UBXN4: variants seen among roughly 807,000 people sequenced by gnomAD.
UBXN4 encodes UBX domain protein 4, also known as UBX domain-containing protein 4.
UBXN4 carries 35 observed loss-of-function variants against 66.2 expected under a neutral mutation model. The observed-to-expected ratio is 0.53, with a 90% CI of 0.40 to 0.70. The LOEUF is 0.70. UBXN4 is among the 30% of genes least tolerant of loss of function. The probability of loss-of-function intolerance (pLI) is 0.00; values close to 1 mark genes in which losing one functional copy is unlikely to be tolerated. For synonymous variants in UBXN4, 203 were observed against 204.5 expected (o/e 0.99, Z 0.06); for missense variants, 533 against 599.8 (o/e 0.89, Z 1.16).
rs763240559 is a variant in UBXN4 at position 135,754,255 on chromosome 2, C to G, written c.311C>G (p.Thr104Arg). The G allele has an allele frequency of 3.7e-6, 6 of 1,613,220 alleles. No homozygotes were observed. Among genetic ancestry groups the G allele is most frequent in the Admixed American group, 3.3e-5 (2 of 59,988 alleles). ...AGTGTTTCTGCAGATGAACTTGTTA[C>G]AAGAATTCACAAGGTCCGACAGGTA... ...AGSVSADELVTRIHKVRQMHL... is the reference protein window; with the variant it reads ...AGSVSADELVRRIHKVRQMHL... Residue 104 changes from threonine (T) to arginine (R), a missense_variant, in exon 4 of 13, where the codon ACA (threonine) becomes AGA (arginine). Thr to Arg is a moderately conservative substitution (Grantham distance 71, BLOSUM62 -1). Transcript: ENST00000272638.
At chr2:135,747,989 T>G in intron 1 of UBXN4, 3 of 336,080 alleles carry the variant, frequency 8.9e-6, no homozygotes, top group Non-Finnish European at 1.7e-5. Context: ...TGACTGCTTA[T>G]TATTGTGGTA....
chr2:135,783,806 A>G lies in UBXN4; in HGVS notation c.*919A>G, dbSNP rs975907882. On this transcript the variant is annotated 3_prime_UTR_variant, in exon 13 of 13. Transcript: ENST00000272638. ...AAGTATAGAATAAAAATATGCCTTTAGTCATTTGGTTTTTCTTAAAAAGTT... is the reference window on the plus strand; with the variant it reads ...AAGTATAGAATAAAAATATGCCTTTGGTCATTTGGTTTTTCTTAAAAAGTT... 3.3e-5 allele frequency: 5 copies of G among 152,252 alleles called. No individual in the cohort carries two copies. Among genetic ancestry groups the G allele is most frequent in the Admixed American group, 2.6e-4 (4 of 15,284 alleles). The allele number at this position is 152,252 out of a possible 1,614,324, so 9.4% of individuals were successfully genotyped here.
intron 8 of UBXN4, among the ~76,000 whole-genome samples, chr2:135,771,596 C>T (rs1023699521): frequency 6.6e-6 from 1 of 152,110 alleles, no homozygotes; most frequent in African/African-American, 2.4e-5. Context: ...GAGTTTTAGT[C>T]TTGTTGCTCA....
rs544470726 is a variant in UBXN4 at position 135,765,659 on chromosome 2, T to C, written c.602+3748T>C. ...CTTTTAATTTTTTTCTTTTTTTTTT[T>C]CTTCTGATTCATTTGAAAGTTGCAG... On this transcript the variant is annotated intron_variant, in intron 6 of 12. Coordinates refer to ENST00000272638, the MANE Select transcript of UBXN4 (RefSeq NM_014607.4). Among the ~76,000 whole-genome samples the C allele has an allele frequency of 2.7e-3, 411 of 151,776 alleles. 1 individual carries two copies. The highest frequency in any genetic ancestry group is 9.0e-3 in the African/African-American group (369 of 41,102).
At chr2:135,759,659 T>C (rs972056907) in intron 5 of UBXN4, among the ~76,000 whole-genome samples, 3 of 152,198 alleles carry the variant, frequency 2.0e-5, no homozygotes, top group Non-Finnish European at 4.4e-5. Flanking sequence ...ATGCCTGTTA[T>C]TCCAGTTGGC....
rs1489177895 is a variant in UBXN4, at chr2:135,783,627, C to A, written c.*740C>A. On this transcript the variant is annotated 3_prime_UTR_variant, in exon 13 of 13. Transcript: ENST00000272638. ...CTTGTCTCCTAAGTCAGTGAGGCAT[C>A]ACTTTGTTTGCATAAAGTATACGGT... The A allele has an allele frequency of 6.6e-6, 1 of 152,152 alleles. No homozygotes were observed. Among genetic ancestry groups the A allele is most frequent in the East Asian group, 1.9e-4 (1 of 5,200 alleles). 9.4% of individuals were successfully genotyped at this position (152,152 alleles called of 1,614,324 possible). A position where few individuals can be genotyped will look rare whatever the true frequency, so the allele number is the denominator to read the frequency against.
At chr2:135,780,058 A>T in intron 11 of UBXN4, 125 bp from the exon 12 acceptor site, 1 of 779,010 alleles carries the variant, frequency 1.3e-6, no homozygotes, top group Non-Finnish European at 2.1e-6. Flanking sequence ...ATATCATTTT[A>T]CCCTCTTGAA....
chr2:135,778,964 AC>A lies in UBXN4; in HGVS notation c.1071del (p.Tyr357Ter). The A allele has an allele frequency of 6.2e-7, 1 of 1,612,680 alleles. No individual in the cohort carries two copies. The highest frequency in any genetic ancestry group is 8.5e-7 in the Non-Finnish European group (1 of 1,179,520). ...QFAAQTVGNTYGNFSLATMFP... is the reference protein window; with the variant it reads ...QFAAQTVGNTXGNFSLATMFP... ...ATTTTACAGACTGTTGGCAACACTT[AC>A]GGTAATTTTTCGTTAGCAACCATGT... is the stretch of plus-strand genomic sequence containing the variant. On this transcript the variant is annotated frameshift_variant, in exon 11 of 13. Transcript: ENST00000272638. LOFTEE classifies it high-confidence loss of function.
At chr2:135,776,140 A>G (rs1575323689) in intron 9 of UBXN4, 109 bp from the exon 10 acceptor site, 2 of 859,998 alleles carry the variant, frequency 2.3e-6, no homozygotes, top group East Asian at 2.7e-5. Flanking sequence ...GATATGGTAG[A>G]AAAAACTATT....
intron 6 of UBXN4, 35 bp from the exon 7 acceptor site, chr2:135,769,734 C>G: frequency 7.0e-7 from 1 of 1,435,932 alleles, no homozygotes; most frequent in Non-Finnish European, 9.4e-7. Flanking sequence ...TATGATGTGT[C>G]TCAATTAGTG....
intron 5 of UBXN4, among the ~76,000 whole-genome samples, chr2:135,761,607 G>C (rs1188308759): frequency 6.6e-6 from 1 of 152,038 alleles, no homozygotes; most frequent in Non-Finnish European, 1.5e-5. Context: ...TTTTAACTCG[G>C]TAACTGCTTT....
intron 11 of UBXN4, among the ~76,000 whole-genome samples, chr2:135,779,487 G>A (rs72972104): frequency 0.16 from 24,474 of 151,920 alleles, 2,599 homozygotes; most frequent in South Asian, 0.29. Context: ...TTAATCTCTG[G>A]TGAAGAAAAG....
Position 135,776,235 on chromosome 2 carries a change from TTC to T in UBXN4, c.951-12_951-11del. On this transcript the variant is annotated splice_polypyrimidine_tract_variant and intron_variant, in intron 9 of 12. Coordinates refer to ENST00000272638, the MANE Select transcript of UBXN4 (RefSeq NM_014607.4). ...AGAGGTGAAGATTGTGACTTTAATTTTCTTTTTTCATAGCACTGTTGCAAGAA... is the reference window on the plus strand; with the variant it reads ...AGAGGTGAAGATTGTGACTTTAATTTTTTTTTCATAGCACTGTTGCAAGAA... 1 of 1,606,114 alleles carries T rather than the reference TTC, an allele frequency of 6.2e-7. No individual in the cohort carries two copies. Among genetic ancestry groups the T allele is most frequent in the Non-Finnish European group, 8.5e-7 (1 of 1,173,958 alleles).
At chr2:135,777,349 C>T (rs183715383) in intron 10 of UBXN4, among the ~76,000 whole-genome samples, 118 of 152,132 alleles carry the variant, frequency 7.8e-4, no homozygotes, top group African/African-American at 1.1e-3. Flanking sequence ...CAGATCTTTC[C>T]GCCAGACCTT....
chr2:135,753,269 C>T lies in UBXN4; in HGVS notation c.186-270C>T, dbSNP rs572352914. Among the ~76,000 whole-genome samples, 4 of 152,264 alleles carry T rather than the reference C, an allele frequency of 2.6e-5. No individual in the cohort carries two copies. The South Asian group carries it at 8.3e-4, about 32-fold the overall frequency. On this transcript the variant is annotated intron_variant, in intron 2 of 12. Transcript: ENST00000272638. ...GAACTCTTGATCTCAAGTGATCTGCCTGCCTCGGCCTCCCAAAATGCTGGG... is the reference window on the plus strand; with the variant it reads ...GAACTCTTGATCTCAAGTGATCTGCTTGCCTCGGCCTCCCAAAATGCTGGG...
chr2:135,777,213 C>T (rs1204903317), intron 10 of UBXN4, among the ~76,000 whole-genome samples: 1 of 152,118 alleles, frequency 6.6e-6, no homozygotes, highest in African/African-American at 2.4e-5. Context: ...TATTTTTATT[C>T]CCTGATTGAT....
chr2:135,769,809 A>G lies in UBXN4; in HGVS notation c.643A>G (p.Lys215Glu). Residue 215 changes from lysine to glutamate, a missense_variant, in exon 7 of 13, where the codon AAA becomes GAA. Lys to Glu is a moderately conservative substitution (Grantham distance 56). This residue lies in a region of UBXN4 where 529 missense variants were observed against 580.1 expected (regional missense o/e 0.91). Coordinates refer to ENST00000272638, the MANE Select transcript of UBXN4 (RefSeq NM_014607.4). ...TGAAGAAAGGAGAGAAGAGAAAAGA[A>G]AAGAGGAAGAACAGGTAAAGTTCAT... is the stretch of plus-strand genomic sequence containing the variant. ...KLEERREEKRKEEEQREIKKE... is the reference protein window; with the variant it reads ...KLEERREEKREEEEQREIKKE... The G allele has an allele frequency of 6.2e-7, 1 of 1,600,118 alleles. No individual in the cohort carries two copies. Among genetic ancestry groups the G allele is most frequent in the Non-Finnish European group, 8.5e-7 (1 of 1,175,650 alleles).
At position 135,761,858 on chromosome 2, in the gene UBXN4, T is replaced by C. The variant is rs2077318088; in HGVS notation, c.549T>C (p.Pro183=). 2 of 1,613,682 alleles carry C rather than the reference T, an allele frequency of 1.2e-6. No individual in the cohort carries two copies. Residue 183 remains proline, a synonymous_variant, in exon 6 of 13, where the codon CCT becomes CCC. Coordinates refer to ENST00000272638, the MANE Select transcript of UBXN4 (RefSeq NM_014607.4). ...SAGHATSSQE[P]SGCSDQRPAE... ...GCCATGCCACTTCCTCTCAGGAGCCTAGTGGATGCTCAGATCAGAGACCTG... is the reference window on the plus strand; with the variant it reads ...GCCATGCCACTTCCTCTCAGGAGCCCAGTGGATGCTCAGATCAGAGACCTG...
intron 1 of UBXN4, 111 bp downstream of exon 1, chr2:135,742,122 G>A (rs1219590547): frequency 7.6e-6 from 10 of 1,316,522 alleles, no homozygotes; most frequent in Non-Finnish European, 9.4e-6. Flanking sequence ...GGCTCCTGTC[G>A]GCTCGCACAA....
Sources: allele counts gnomAD v4.1 joint callset (sites outside exome capture counted in the v4.1 genomes callset), GRCh38; gene constraint gnomAD v4.1.1; regional missense constraint gnomAD v4.1.1; transcripts MANE v1.5; gene names NCBI Gene and HGNC (gene_info 2026-07-23, HGNC 2026-07-21).